DERA: variants seen among roughly 807,000 people sequenced by gnomAD.
The protein encoded by DERA is 2-deoxy-D-ribose 5-phosphate aldolase.
DERA carries 15 observed loss-of-function variants against 41.1 expected under a neutral mutation model. The ratio of observed to expected loss-of-function variants is 0.37; its 90% confidence interval spans 0.24 to 0.56. The LOEUF is 0.56. Ranked by LOEUF, DERA falls within the 20% of genes least tolerant of loss-of-function variation. The pLI is 0.81. For missense variants in DERA, 396 were observed against 403.4 expected (o/e 0.98, Z 0.16); for synonymous variants, 139 against 137.4 (o/e 1.01, Z -0.08).
Position 15,981,195 on chromosome 12 carries a change from A to G in DERA, c.509-1113A>G, listed in dbSNP as rs1286594900. Reference sequence around the variant, plus strand: ...AACCCCGTCTCTACTAAAACTACAAAAAGTTACCCAGGCGTGGTGGCAGGC... The same window carrying G: ...AACCCCGTCTCTACTAAAACTACAAGAAGTTACCCAGGCGTGGTGGCAGGC... On this transcript the variant is annotated intron_variant, in intron 5 of 8. Coordinates refer to ENST00000428559, the MANE Select transcript of DERA (RefSeq NM_015954.4). The surrounding 1 kb of genome is among the most constrained non-coding windows in gnomAD (Gnocchi z 6.1). Among the ~76,000 whole-genome samples the G allele has an allele frequency of 6.6e-6, 1 of 152,016 alleles. No homozygotes were observed. Among genetic ancestry groups the G allele is most frequent in the Non-Finnish European group, 1.5e-5 (1 of 67,992 alleles).
rs982057201 is a variant in DERA at position 16,001,241 on chromosome 12, C to G, written c.637+18805C>G. On this transcript the variant is annotated intron_variant, in intron 6 of 8. Coordinates refer to ENST00000428559, the MANE Select transcript of DERA (RefSeq NM_015954.4). The surrounding 1 kb of genome is among the most constrained non-coding windows in gnomAD (Gnocchi z 4.1). ...ATGTAACAAACCTGCACATTCTGCA[C>G]ATGTTTATCCTATTTTTTTGTTTGT... is the stretch of plus-strand genomic sequence containing the variant. Among the ~76,000 whole-genome samples the G allele has an allele frequency of 6.6e-6, 1 of 152,160 alleles. No individual in the cohort carries two copies. The highest frequency in any genetic ancestry group is 2.4e-5 in the African/African-American group (1 of 41,434).
rs1948806528 is a variant in DERA at position 15,992,148 on chromosome 12, T to C, written c.637+9712T>C. 6.6e-6 allele frequency among the ~76,000 whole-genome samples: 1 copy of C among 152,018 alleles called. No homozygotes were observed. The highest frequency in any genetic ancestry group is 6.5e-5 in the Admixed American group (1 of 15,268). On this transcript the variant is annotated intron_variant, in intron 6 of 8. Transcript: ENST00000428559. This position sits in a 1 kb window ranked among gnomAD's most constrained non-coding sequence, Gnocchi z 4.3. ...CTTAACTTTATTCCTCTGCGATTAC[T>C]ATCAAACCTGGCATATAGTAGAGCC...
At chr12:15,971,405 T>A (rs954656861) in intron 5 of DERA, among the ~76,000 whole-genome samples, 1 of 151,960 alleles carries the variant, frequency 6.6e-6, no homozygotes, top group Non-Finnish European at 1.5e-5. Flanking sequence ...AAAGAGAGCA[T>A]CTGAAGGTCC....
At chr12:15,958,137 T>C in intron 2 of DERA, 51 bp from the exon 3 acceptor site, 1 of 1,478,348 alleles carries the variant, frequency 6.8e-7, no homozygotes, top group Non-Finnish European at 9.0e-7. Flanking sequence ...GGAGGTTGGT[T>C]GGTTTGTTTA....
At chr12:15,926,288 A>C (rs369973097) in intron 1 of DERA, among the ~76,000 whole-genome samples, 3 of 152,106 alleles carry the variant, frequency 2.0e-5, no homozygotes, top group East Asian at 1.9e-4. Context: ...CAGCCTCCTC[A>C]GTAGCTGGGA....
chr12:15,943,505 G>C lies in DERA; in HGVS notation c.32-13431G>C, dbSNP rs1294885802. On this transcript the variant is annotated intron_variant, in intron 1 of 8. Coordinates refer to ENST00000428559, the MANE Select transcript of DERA (RefSeq NM_015954.4). This position sits in a 1 kb window ranked among gnomAD's most constrained non-coding sequence, Gnocchi z 4.5. ...TCACATGGGAAAACCTTTCTGTGCT[G>C]AAAAAAGTTCTCCTTAAGGACCTTT... Among the ~76,000 whole-genome samples, 5 of 151,958 alleles carry C rather than the reference G, an allele frequency of 3.3e-5. No homozygotes were observed. Among genetic ancestry groups the C allele is most frequent in the Admixed American group, 2.6e-4 (4 of 15,266 alleles).
At chr12:16,029,272 A>G (rs1384456071) in intron 6 of DERA, among the ~76,000 whole-genome samples, 1 of 152,104 alleles carries the variant, frequency 6.6e-6, no homozygotes, top group African/African-American at 2.4e-5. Flanking sequence ...AAATACAAAA[A>G]GTTAGCCGGG....
intron 1 of DERA, among the ~76,000 whole-genome samples, chr12:15,948,861 G>A (rs573383203): frequency 6.6e-6 from 1 of 152,230 alleles, no homozygotes; most frequent in South Asian, 2.1e-4. Flanking sequence ...TGATGGTGAC[G>A]TACAGATGGG....
rs1385982715 is a variant in DERA at position 15,970,969 on chromosome 12, C to G, written c.508+8022C>G. The stretch of plus-strand genomic sequence containing the variant: ...GTCATTATTTTTAGCAAAATGGGGC[C>G]AAGGCAGAAAATCCAGGTTGTAAGA... On this transcript the variant is annotated intron_variant, in intron 5 of 8. Transcript: ENST00000428559. This position sits in a 1 kb window ranked among gnomAD's most constrained non-coding sequence, Gnocchi z 4.3. Among the ~76,000 whole-genome samples, 9 of 152,128 alleles carry G rather than the reference C, an allele frequency of 5.9e-5. No individual in the cohort carries two copies. Among genetic ancestry groups the G allele is most frequent in the African/African-American group, 2.2e-4 (9 of 41,410 alleles).
chr12:15,953,968 A>G (rs889045852), intron 1 of DERA, among the ~76,000 whole-genome samples: 1 of 152,194 alleles, frequency 6.6e-6, no homozygotes, highest in African/African-American at 2.4e-5. Context: ...TATGACCGCT[A>G]ATGATATTTT....
chr12:15,946,362 C>G (rs917775925), intron 1 of DERA, among the ~76,000 whole-genome samples: 12 of 152,046 alleles, frequency 7.9e-5, no homozygotes, highest in Admixed American at 2.0e-4. Flanking sequence ...TGGTCCTGGA[C>G]TTTTTTTGGT....
At chr12:15,969,615 G>T (rs1340165517) in intron 5 of DERA, among the ~76,000 whole-genome samples, 1 of 152,122 alleles carries the variant, frequency 6.6e-6, no homozygotes, top group Non-Finnish European at 1.5e-5. Flanking sequence ...ATACATCATG[G>T]CTATCAAACA....
At chr12:15,939,585 CAG>C (rs1948394908) in intron 1 of DERA, among the ~76,000 whole-genome samples, 1 of 151,632 alleles carries the variant, frequency 6.6e-6, no homozygotes, top group Non-Finnish European at 1.5e-5. Context: ...AGTTCACTAA[CAG>C]TTTCAAAAAC....
At position 16,020,180 on chromosome 12, in the gene DERA, G is replaced by A. The variant is rs1312392199; in HGVS notation, c.638-12362G>A. ...TCTTTATAAATTACCCAATGTATTA[G>A]TCCACAGGCTGTGCAGGAAGCATGG... On this transcript the variant is annotated intron_variant, in intron 6 of 8. Coordinates refer to ENST00000428559, the MANE Select transcript of DERA (RefSeq NM_015954.4). The surrounding 1 kb of genome is among the most constrained non-coding windows in gnomAD (Gnocchi z 5.5). Among the ~76,000 whole-genome samples the A allele has an allele frequency of 6.6e-6, 1 of 152,108 alleles. No homozygotes were observed. The highest frequency in any genetic ancestry group is 1.5e-5 in the Non-Finnish European group (1 of 68,036).
chr12:15,938,467 G>T lies in DERA; in HGVS notation c.32-18469G>T, dbSNP rs1262154886. Among the ~76,000 whole-genome samples, 1 of 152,054 alleles carries T rather than the reference G, an allele frequency of 6.6e-6. No homozygotes were observed. The highest frequency in any genetic ancestry group is 1.5e-5 in the Non-Finnish European group (1 of 68,008). On this transcript the variant is annotated intron_variant, in intron 1 of 8. Transcript: ENST00000428559. The surrounding 1 kb of genome is among the most constrained non-coding windows in gnomAD (Gnocchi z 4.1). The stretch of plus-strand genomic sequence containing the variant: ...TCAGCATTATAAAACAACACAAGTT[G>T]AATTATTACTCTGCTTTAATAAGCT...
intron 1 of DERA, among the ~76,000 whole-genome samples, chr12:15,945,291 A>T (rs1948438755): frequency 1.3e-5 from 2 of 152,134 alleles, no homozygotes; most frequent in African/African-American, 2.4e-5. Context: ...CTTGATGGGG[A>T]TGGCATTGAA....
intron 1 of DERA, among the ~76,000 whole-genome samples, chr12:15,917,459 G>A (rs1215599069): frequency 6.6e-6 from 1 of 152,048 alleles, no homozygotes; most frequent in Non-Finnish European, 1.5e-5. Context: ...ACATACATAT[G>A]TTACTTTAGA....
At chr12:15,920,853 C>CCA (rs1288889013) in intron 1 of DERA, among the ~76,000 whole-genome samples, 1 of 152,148 alleles carries the variant, frequency 6.6e-6, no homozygotes, top group East Asian at 1.9e-4. Context: ...AATACCCCCC[C>CCA]CAAAAATACC....
rs1444332833 is a variant in DERA at position 15,972,642 on chromosome 12, G to A, written c.509-9666G>A. The A allele has an allele frequency of 5.7e-6, 1 of 176,510 alleles. No individual in the cohort carries two copies. Among genetic ancestry groups the A allele is most frequent in the African/African-American group, 2.3e-5 (1 of 42,628 alleles). 10.9% of individuals were successfully genotyped at this position (176,510 alleles called of 1,614,324 possible). On this transcript the variant is annotated intron_variant, in intron 5 of 8. Coordinates refer to ENST00000428559, the MANE Select transcript of DERA (RefSeq NM_015954.4). This position sits in a 1 kb window ranked among gnomAD's most constrained non-coding sequence, Gnocchi z 4.4. ...ATAGTGCAGAAGTCGGGGACCTCCA[G>A]CGTGCACCCAGAGAGGGAACGATGT...
Sources: gnomAD v4.1 joint callset for allele counts (sites outside exome capture counted in the v4.1 genomes callset) on GRCh38, gnomAD v4.1.1 for gene constraint, Gnocchi (gnomAD v3.1) non-coding constraint, MANE v1.5 for transcripts, NCBI Gene and HGNC (gene_info 2026-07-23, HGNC 2026-07-21) for gene names.